UBXN7: variants seen among roughly 807,000 people sequenced by gnomAD.
UBXN7 encodes the protein UBX domain-containing protein 7.
In UBXN7, 9 loss-of-function variants were observed where a neutral mutation model predicts 58.0. The observed-to-expected ratio is 0.16, with a 90% CI of 0.09 to 0.27. The LOEUF is 0.27. Among genes scored for constraint, UBXN7 ranks in the 10% least tolerant of loss-of-function variants. The probability of loss-of-function intolerance (pLI) is 1.00; values close to 1 mark genes in which losing one functional copy is unlikely to be tolerated. For synonymous variants in UBXN7, 208 were observed against 205.0 expected, an observed-to-expected ratio of 1.01 and a Z score of -0.12; for missense variants, 328 against 599.6, an observed-to-expected ratio of 0.55 and a Z score of 4.73.
At chr3:196,373,999 T>C (rs1659531162) in intron 5 of UBXN7, among the ~76,000 whole-genome samples, 1 of 152,346 alleles carries the variant, frequency 6.6e-6, no homozygotes, top group East Asian at 1.9e-4. Context: ...AATATAATAA[T>C]TCCTTGCTTA....
Position 196,371,951 on chromosome 3 carries a change from A to AC in UBXN7, c.559dup (p.Val187GlyfsTer23). 1 of 1,613,916 alleles carries AC rather than the reference A, an allele frequency of 6.2e-7. No individual in the cohort carries two copies. The highest frequency in any genetic ancestry group is 8.5e-7 in the Non-Finnish European group (1 of 1,179,970). ...ATTCTTCACAGCTTCGTTGCTCCAC[A>AC]CATCGCGGTTGAGGCACTGACATGC... On this transcript the variant is annotated frameshift_variant, in exon 6 of 11. Coordinates refer to ENST00000296328, the MANE Select transcript of UBXN7 (RefSeq NM_015562.2). LOFTEE classifies it high-confidence loss of function.
intron 5 of UBXN7, among the ~76,000 whole-genome samples, chr3:196,374,186 A>G (rs562884086): frequency 2.0e-5 from 3 of 152,324 alleles, no homozygotes; most frequent in East Asian, 1.9e-4. Flanking sequence ...GTAAATTTAC[A>G]TAAGTCTGCC....
intron 2 of UBXN7, among the ~76,000 whole-genome samples, chr3:196,405,395 C>T (rs1001963264): frequency 2.7e-5 from 4 of 150,176 alleles, no homozygotes; most frequent in African/African-American, 9.8e-5. Context: ...CACTTGAACC[C>T]AGGAGGCAGA....
intron 1 of UBXN7, among the ~76,000 whole-genome samples, chr3:196,426,435 T>TTCTTAAAATTCCTGAAGTTTTC (rs1423926421): frequency 1.3e-5 from 2 of 150,506 alleles, no homozygotes; most frequent in Non-Finnish European, 3.0e-5. Flanking sequence ...ATTGAAACTA[T>TTCTTAAAATTCCTGAAGTTTTC]TCTTAAAATT....
In UBXN7 at chr3:196,361,877, T is replaced by A. The variant is rs751004310; in HGVS notation, c.1275A>T (p.Glu425Asp). Residue 425 changes from glutamate to aspartate, a missense_variant, in exon 10 of 11, where the codon GAA becomes GAT. Coordinates refer to ENST00000296328, the MANE Select transcript of UBXN7 (RefSeq NM_015562.2). Reference protein sequence around the residue: ...LMLRYPDGKREQITLPEQAKL... With the variant: ...LMLRYPDGKRDQITLPEQAKL... Reference sequence around the variant, plus strand: ...TAGCTTGCTCTGGAAGAGTGATCTGTTCCCTTTTTCCATCTGGATACCGCA... The same window carrying A: ...TAGCTTGCTCTGGAAGAGTGATCTGATCCCTTTTTCCATCTGGATACCGCA... 10 of 1,613,872 alleles carry A rather than the reference T, an allele frequency of 6.2e-6. No homozygotes were observed.
intron 5 of UBXN7, among the ~76,000 whole-genome samples, chr3:196,374,607 G>A (rs1007785483): frequency 1.3e-5 from 2 of 151,432 alleles, no homozygotes; most frequent in Non-Finnish European, 2.9e-5. Context: ...TAGGCCAGGT[G>A]CAGTGGCTCA....
chr3:196,356,423 C>T lies in UBXN7; in HGVS notation c.*262G>A. ...TATCCTTACACTTCAGTTTGGTCAC[C>T]AGATTAGGTAAGAAAGAAAAGTGTG... On this transcript the variant is annotated 3_prime_UTR_variant, in exon 11 of 11. Transcript: ENST00000296328. The T allele has an allele frequency of 3.0e-6, 1 of 338,152 alleles. No homozygotes were observed. The highest frequency in any genetic ancestry group is 6.4e-5 in the East Asian group (1 of 15,738). The allele number at this position is 338,152 out of a possible 1,614,324, so 20.9% of individuals were successfully genotyped here.
In UBXN7 at chr3:196,378,329, G is replaced by A. The variant is rs533386413; in HGVS notation, c.469-6287C>T. On this transcript the variant is annotated intron_variant, in intron 5 of 10. Coordinates refer to ENST00000296328, the MANE Select transcript of UBXN7 (RefSeq NM_015562.2). Reference sequence around the variant, plus strand: ...GGTGTAGCCATGCTGCCAAGTTATAGTAGATGGAATGTAGACAGAAGTGCT... The same window carrying A: ...GGTGTAGCCATGCTGCCAAGTTATAATAGATGGAATGTAGACAGAAGTGCT... Among the ~76,000 whole-genome samples the A allele has an allele frequency of 9.8e-5, 15 of 152,292 alleles. No individual in the cohort carries two copies. The East Asian group carries it at 2.9e-3, about 29-fold the overall frequency.
rs936514394 is a variant in UBXN7 at position 196,355,942 on chromosome 3, C to CA, written c.*742dup. 1.3e-5 allele frequency: 2 copies of CA among 152,282 alleles called. No individual in the cohort carries two copies. Among genetic ancestry groups the CA allele is most frequent in the Non-Finnish European group, 2.9e-5 (2 of 68,040 alleles). The allele number at this position is 152,282 out of a possible 1,614,324, so 9.4% of individuals were successfully genotyped here. On this transcript the variant is annotated 3_prime_UTR_variant, in exon 11 of 11. Coordinates refer to ENST00000296328, the MANE Select transcript of UBXN7 (RefSeq NM_015562.2). ...ATGTCCATTCTTGGACTAGCAGGATCAATACAGAGTAATAAGGAAAACTGT... is the reference window on the plus strand; with the variant it reads ...ATGTCCATTCTTGGACTAGCAGGATCAAATACAGAGTAATAAGGAAAACTGT...
At chr3:196,404,894 C>CT (rs1308339791) in intron 2 of UBXN7, among the ~76,000 whole-genome samples, 4 of 152,164 alleles carry the variant, frequency 2.6e-5, no homozygotes, top group African/African-American at 9.7e-5. Context: ...TGGCTCACAC[C>CT]TGCAATCCTA....
rs374120256 is a variant in UBXN7, at chr3:196,408,621, C to T, written c.74-1228G>A. 7.2e-5 allele frequency among the ~76,000 whole-genome samples: 11 copies of T among 151,938 alleles called. No individual in the cohort carries two copies. The East Asian group carries it at 1.4e-3, about 19-fold the overall frequency. ...AATCTCCTTCTCTTGGTGGTAAATG[C>T]TCTTAAGTTTTTGTCTGCAAATGTC... On this transcript the variant is annotated intron_variant, in intron 1 of 10. Coordinates refer to ENST00000296328, the MANE Select transcript of UBXN7 (RefSeq NM_015562.2).
chr3:196,359,684 C>T (rs1728452842), intron 10 of UBXN7, among the ~76,000 whole-genome samples: 1 of 152,140 alleles, frequency 6.6e-6, no homozygotes, highest in Non-Finnish European at 1.5e-5. Flanking sequence ...GTGGGTGGAT[C>T]ACCTGAGGTC....
At chr3:196,418,309 T>TGACGGAATGACGGAAG in intron 1 of UBXN7, among the ~76,000 whole-genome samples, 1 of 151,416 alleles carries the variant, frequency 6.6e-6, no homozygotes, top group South Asian at 2.1e-4. Context: ...AATGACGGAA[T>TGACGGAATGACGGAAG]GACGGACAGA....
Position 196,348,311 on chromosome 3 carries a change from A to C in UBXN7, c.*8374T>G, listed in dbSNP as rs1728132291. 1 of 152,110 alleles carries C rather than the reference A, an allele frequency of 6.6e-6. No homozygotes were observed. Among genetic ancestry groups the C allele is most frequent in the Non-Finnish European group, 1.5e-5 (1 of 68,034 alleles). 9.4% of individuals were successfully genotyped at this position (152,110 alleles called of 1,614,324 possible). A position where few individuals can be genotyped will look rare whatever the true frequency, so the allele number is the denominator to read the frequency against. The stretch of plus-strand genomic sequence containing the variant: ...CCAAAGACTTCTTCCCACCACTGAG[A>C]AGAGCTGCAGAAATCAACGGTATCT... On this transcript the variant is annotated 3_prime_UTR_variant, in exon 11 of 11. Coordinates refer to ENST00000296328, the MANE Select transcript of UBXN7 (RefSeq NM_015562.2).
chr3:196,385,571 G>A (rs375231481), intron 5 of UBXN7, among the ~76,000 whole-genome samples: 6 of 151,786 alleles, frequency 4.0e-5, no homozygotes, highest in South Asian at 2.1e-4. Context: ...GCCTCGGCCC[G>A]GCAGTGACCC....
At chr3:196,399,207 TATTTTAAA>T (rs1322197399) in intron 3 of UBXN7, among the ~76,000 whole-genome samples, 2 of 152,232 alleles carry the variant, frequency 1.3e-5, no homozygotes, top group Non-Finnish European at 2.9e-5. Flanking sequence ...TTTCAAACAA[TATTTTAAA>T]ACTGTGTACT....
chr3:196,368,431 T>A (rs1728728869), intron 7 of UBXN7, among the ~76,000 whole-genome samples: 1 of 152,180 alleles, frequency 6.6e-6, no homozygotes, highest in Admixed American at 6.5e-5. Flanking sequence ...ATTCTCATTA[T>A]CTCTTTCAGC....
chr3:196,366,273 T>C (rs192720735), intron 8 of UBXN7, among the ~76,000 whole-genome samples: 104 of 152,172 alleles, frequency 6.8e-4, no homozygotes, highest in African/African-American at 2.3e-3. Context: ...TCCCAGCACT[T>C]CGGGAGGCCA....
At chr3:196,417,049 C>T (rs1284789349) in intron 1 of UBXN7, among the ~76,000 whole-genome samples, 1 of 152,210 alleles carries the variant, frequency 6.6e-6, no homozygotes, top group Non-Finnish European at 1.5e-5. Flanking sequence ...CGCGGCGGCT[C>T]ACGCCTGTAA....
Sources: allele counts gnomAD v4.1 joint callset (sites outside exome capture counted in the v4.1 genomes callset), GRCh38; gene constraint gnomAD v4.1.1; transcripts MANE v1.5; gene names NCBI Gene and HGNC (gene_info 2026-07-23, HGNC 2026-07-21).